STK39: variants seen among roughly 807,000 people sequenced by gnomAD.
The protein encoded by STK39 is serine/threonine kinase 39, also known as STE20/SPS1-related proline-alanine-rich protein kinase.
A neutral mutation model predicts 77.8 loss-of-function variants in STK39; 20 were observed. The observed-to-expected ratio is 0.26, with a 90% CI of 0.18 to 0.37. STK39 has a LOEUF of 0.37. Ranked by LOEUF, STK39 falls within the 10% of genes least tolerant of loss-of-function variation. The probability of loss-of-function intolerance (pLI) is 1.00; values close to 1 mark genes in which losing one functional copy is unlikely to be tolerated. For missense variants in STK39, 479 were observed against 656.5 expected (o/e 0.73, Z 2.95); for synonymous variants, 246 against 234.1 (o/e 1.05, Z -0.47).
At chr2:168,090,172 C>A (rs1249979181) in intron 10 of STK39, among the ~76,000 whole-genome samples, 1 of 152,092 alleles carries the variant, frequency 6.6e-6, no homozygotes. Flanking sequence ...AATGTTCTAG[C>A]ATATAAGAAA....
chr2:168,018,554 G>GAA (rs778572870), intron 14 of STK39, among the ~76,000 whole-genome samples: 1 of 140,510 alleles, frequency 7.1e-6, no homozygotes, highest in African/African-American at 2.8e-5. Flanking sequence ...AAGAAAGAAA[G>GAA]AAAGAAAGAA....
At chr2:168,204,257 CAGGCACCTTA>C (rs1461516283) in intron 1 of STK39, among the ~76,000 whole-genome samples, 6 of 152,188 alleles carry the variant, frequency 3.9e-5, no homozygotes, top group African/African-American at 1.4e-4. Flanking sequence ...CCCCGTGGGA[CAGGCACCTTA>C]AGGCACCTTT....
intron 16 of STK39, among the ~76,000 whole-genome samples, chr2:167,970,283 G>T (rs1394122141): frequency 6.6e-6 from 1 of 152,136 alleles, no homozygotes; most frequent in Admixed American, 6.5e-5. Flanking sequence ...CCCAGAAAAT[G>T]AGCTCCAATG....
chr2:167,976,403 A>G (rs1372044890), intron 16 of STK39, among the ~76,000 whole-genome samples: 1 of 152,158 alleles, frequency 6.6e-6, no homozygotes, highest in African/African-American at 2.4e-5. Flanking sequence ...TTTGGAAGAC[A>G]GTTAGGTTAT....
At chr2:167,974,266 G>A (rs78825248) in intron 16 of STK39, among the ~76,000 whole-genome samples, 6 of 152,194 alleles carry the variant, frequency 3.9e-5, no homozygotes, top group African/African-American at 1.2e-4. Flanking sequence ...TTGGCTAAAT[G>A]AATGACTTAT....
intron 16 of STK39, among the ~76,000 whole-genome samples, chr2:167,967,390 A>T (rs1370141561): frequency 1.3e-5 from 2 of 151,980 alleles, no homozygotes; most frequent in Non-Finnish European, 2.9e-5. Context: ...GGCTTTACCA[A>T]CACTCCTCCC....
chr2:168,161,653 C>T (rs1688576040), intron 5 of STK39, 134 bp downstream of exon 5: 1 of 605,506 alleles, frequency 1.7e-6, no homozygotes, highest in Non-Finnish European at 2.7e-6. Context: ...ATCCTTCGGA[C>T]CCAAACATTC....
rs1336121940 is a variant in STK39 at position 167,955,579 on chromosome 2, G to C, written c.1564-9C>G. 1 of 1,612,638 alleles carries C rather than the reference G, an allele frequency of 6.2e-7. No homozygotes were observed. Among genetic ancestry groups the C allele is most frequent in the Non-Finnish European group, 8.5e-7 (1 of 1,179,338 alleles). On this transcript the variant is annotated splice_polypyrimidine_tract_variant and intron_variant, in intron 17 of 17. Transcript: ENST00000355999. ...CCATCACAGCCAGAAGCCTGAAAAGGGAAAAAGAAAGCCTCAATGCTGGTT... is the reference window on the plus strand; with the variant it reads ...CCATCACAGCCAGAAGCCTGAAAAGCGAAAAAGAAAGCCTCAATGCTGGTT...
chr2:168,239,922 A>T (rs1236283379), intron 1 of STK39, among the ~76,000 whole-genome samples: 1 of 152,252 alleles, frequency 6.6e-6, no homozygotes, highest in African/African-American at 2.4e-5. Flanking sequence ...TGTTCAGGGT[A>T]TGAGAAGAGA....
At chr2:167,974,366 C>T (rs761052194) in intron 16 of STK39, among the ~76,000 whole-genome samples, 10 of 152,182 alleles carry the variant, frequency 6.6e-5, no homozygotes, top group Admixed American at 2.6e-4. Flanking sequence ...AGCTTCAAAA[C>T]GGTCTTTTCT....
At chr2:168,149,326 C>T (rs994112880) in intron 5 of STK39, among the ~76,000 whole-genome samples, 11 of 152,320 alleles carry the variant, frequency 7.2e-5, no homozygotes, top group Non-Finnish European at 1.3e-4. Context: ...GCAGTGATGA[C>T]AGCCCATGAA....
chr2:168,078,191 T>C (rs1390442412), intron 10 of STK39, among the ~76,000 whole-genome samples: 1 of 152,248 alleles, frequency 6.6e-6, no homozygotes, highest in Non-Finnish European at 1.5e-5. Flanking sequence ...TAGTTGGCAG[T>C]AGTAAGGTTA....
At chr2:168,216,127 G>A (rs1690019315) in intron 1 of STK39, among the ~76,000 whole-genome samples, 1 of 116,346 alleles carries the variant, frequency 8.6e-6, no homozygotes, top group Non-Finnish European at 2.2e-5. Flanking sequence ...ACAGAGTTCA[G>A]ATATGGATAG....
intron 8 of STK39, among the ~76,000 whole-genome samples, chr2:168,134,150 T>C (rs1037358432): frequency 2.0e-5 from 3 of 152,070 alleles, no homozygotes; most frequent in Non-Finnish European, 4.4e-5. Flanking sequence ...TTATGAGAAA[T>C]GCTAAAATGT....
At chr2:168,206,908 G>A (rs972812908) in intron 1 of STK39, among the ~76,000 whole-genome samples, 5 of 152,164 alleles carry the variant, frequency 3.3e-5, no homozygotes, top group Admixed American at 2.0e-4. Flanking sequence ...AACACAGGCA[G>A]GAAGACTAAT....
At chr2:168,213,070 A>G (rs986739930) in intron 1 of STK39, among the ~76,000 whole-genome samples, 1 of 152,244 alleles carries the variant, frequency 6.6e-6, no homozygotes, top group Non-Finnish European at 1.5e-5. Flanking sequence ...CCATGAGTGC[A>G]TGTTCACAGA....
chr2:168,211,414 C>T (rs948164013), intron 1 of STK39, among the ~76,000 whole-genome samples: 2 of 152,176 alleles, frequency 1.3e-5, no homozygotes, highest in South Asian at 2.1e-4. Context: ...CACATATGTG[C>T]ACCTGTTTAT....
At chr2:168,145,489 G>A (rs1426691459) in intron 5 of STK39, among the ~76,000 whole-genome samples, 2 of 152,040 alleles carry the variant, frequency 1.3e-5, no homozygotes, top group African/African-American at 4.8e-5. Flanking sequence ...GTAGACCCAG[G>A]ATTGCTGGAT....
At chr2:168,202,474 A>G (rs1182897175) in intron 1 of STK39, among the ~76,000 whole-genome samples, 2 of 152,092 alleles carry the variant, frequency 1.3e-5, no homozygotes, top group Non-Finnish European at 2.9e-5. Flanking sequence ...CCAAAGTCAC[A>G]CTTTTCTTAA....
Sources: allele counts gnomAD v4.1 joint callset (sites outside exome capture counted in the v4.1 genomes callset), GRCh38; gene constraint gnomAD v4.1.1; transcripts MANE v1.5; gene names NCBI Gene and HGNC (gene_info 2026-07-23, HGNC 2026-07-21).